The following DLG2 variants were observed in gnomAD, a reference collection of about 807,000 sequenced individuals.
DLG2 encodes the protein disks large homolog 2.
In DLG2, 45 loss-of-function variants were observed where a neutral mutation model predicts 132.5. The ratio of observed to expected loss-of-function variants is 0.34; its 90% CI spans 0.27 to 0.44. The LOEUF is 0.44. Ranked by LOEUF, DLG2 falls within the 20% of genes least tolerant of loss-of-function variation. DLG2 has a pLI of 1.00. For missense variants in DLG2, 1,045 were observed against 1,196.9 expected (o/e 0.87, Z 1.87); for synonymous variants, 424 against 419.6 (o/e 1.01, Z -0.13).
At chr11:84,210,830 C>T (rs151061599) in intron 8 of DLG2, among the ~76,000 whole-genome samples, 1,722 of 152,170 alleles carry the variant, frequency 0.011, 36 homozygotes, top group African/African-American at 0.037. Flanking sequence ...CTGGTTGATT[C>T]TGGGAGGGCA....
intron 2 of DLG2, among the ~76,000 whole-genome samples, chr11:85,604,575 C>T (rs1048975543): frequency 1.3e-5 from 2 of 151,896 alleles, no homozygotes; most frequent in African/African-American, 2.4e-5. Context: ...TCTAAATTGC[C>T]TCAATTCTCC....
chr11:84,220,173 A>G (rs2096893908), intron 8 of DLG2, among the ~76,000 whole-genome samples: 1 of 152,190 alleles, frequency 6.6e-6, no homozygotes. Flanking sequence ...ATATTCATTA[A>G]GTATCAGGCT....
chr11:84,574,362 GAA>G (rs35040163), intron 6 of DLG2, among the ~76,000 whole-genome samples: 281 of 134,760 alleles, frequency 2.1e-3, no homozygotes, highest in African/African-American at 7.1e-3. Flanking sequence ...CTCTTAAACA[GAA>G]AAAAAAAAAA....
Position 84,965,374 on chromosome 11 carries a change from C to A in DLG2, c.357+146287G>T, listed in dbSNP as rs2053177760. Among the ~76,000 whole-genome samples the A allele has an allele frequency of 2.0e-5, 3 of 151,784 alleles. No individual in the cohort carries two copies. In the South Asian group the frequency reaches 6.2e-4, roughly 31 times the overall value. The stretch of plus-strand genomic sequence containing the variant: ...GCACCCTCCACTTGGGAAGAGGTGC[C>A]ATCACAGAAGTAAGGACACAATATC... On this transcript the variant is annotated intron_variant, in intron 6 of 27. Transcript: ENST00000376104.
intron 4 of DLG2, among the ~76,000 whole-genome samples, chr11:85,172,553 C>T (rs897510453): frequency 3.3e-5 from 5 of 152,130 alleles, no homozygotes; most frequent in African/African-American, 7.2e-5. Context: ...GCCAGAGTGC[C>T]TTTTCTCCTC....
At chr11:84,982,385 T>C (rs2055882981) in intron 6 of DLG2, among the ~76,000 whole-genome samples, 1 of 152,090 alleles carries the variant, frequency 6.6e-6, no homozygotes, top group Non-Finnish European at 1.5e-5. Context: ...GCGGATGATA[T>C]CTCTATCCAT....
chr11:85,000,090 A>G (rs2058063661), intron 6 of DLG2, among the ~76,000 whole-genome samples: 1 of 152,122 alleles, frequency 6.6e-6, no homozygotes, highest in African/African-American at 2.4e-5. Flanking sequence ...AAAATTACCA[A>G]GTGGATTTTG....
At chr11:83,833,911 A>T in intron 16 of DLG2, 141 bp from the exon 17 acceptor site, 1 of 842,594 alleles carries the variant, frequency 1.2e-6, no homozygotes. Flanking sequence ...TTTGCACATC[A>T]AGAAAGAGGC....
intron 21 of DLG2, among the ~76,000 whole-genome samples, chr11:83,489,156 G>T (rs2093696890): frequency 6.6e-6 from 1 of 151,928 alleles, no homozygotes; most frequent in Non-Finnish European, 1.5e-5. Context: ...TTACAAGGTA[G>T]TCTTGAAAAC....
intron 6 of DLG2, among the ~76,000 whole-genome samples, chr11:84,883,048 T>G (rs936803388): frequency 6.6e-6 from 1 of 152,100 alleles, no homozygotes; most frequent in Non-Finnish European, 1.5e-5. Flanking sequence ...AGCAAAGACT[T>G]GGAACCAACC....
intron 6 of DLG2, among the ~76,000 whole-genome samples, chr11:84,796,624 C>A (rs1435738573): frequency 6.6e-6 from 1 of 151,968 alleles, no homozygotes; most frequent in Non-Finnish European, 1.5e-5. Flanking sequence ...CTGGGAAGGT[C>A]TTTATTTCTC....
intron 18 of DLG2, among the ~76,000 whole-genome samples, chr11:83,650,225 T>G (rs953635411): frequency 6.6e-6 from 1 of 152,212 alleles, no homozygotes; most frequent in Non-Finnish European, 1.5e-5. Context: ...AAAGGGACTT[T>G]GAAGGTGTGA....
intron 7 of DLG2, among the ~76,000 whole-genome samples, chr11:84,362,562 G>T (rs1287935669): frequency 6.6e-6 from 1 of 151,510 alleles, no homozygotes; most frequent in African/African-American, 2.4e-5. Flanking sequence ...ACAATGTGCA[G>T]GTTAGTTACA....
At chr11:85,359,030 A>T (rs954936915) in intron 3 of DLG2, among the ~76,000 whole-genome samples, 5 of 152,238 alleles carry the variant, frequency 3.3e-5, no homozygotes, top group Admixed American at 3.3e-4. Flanking sequence ...AAAAACCTCC[A>T]GGAATGCAAT....
At chr11:84,956,471 T>C (rs539811955) in intron 6 of DLG2, among the ~76,000 whole-genome samples, 1 of 152,310 alleles carries the variant, frequency 6.6e-6, no homozygotes, top group Admixed American at 6.5e-5. Flanking sequence ...GTCGGCTACA[T>C]ATGAATACCC....
chr11:85,122,957 A>AT (rs1555376351), intron 5 of DLG2, among the ~76,000 whole-genome samples: 3 of 44,214 alleles, frequency 6.8e-5, no homozygotes, highest in Non-Finnish European at 1.1e-4. Flanking sequence ...TATTATATAT[A>AT]TATATATATA....
At chr11:85,534,589 CAT>C (rs1350525524) in intron 3 of DLG2, among the ~76,000 whole-genome samples, 1 of 152,134 alleles carries the variant, frequency 6.6e-6, no homozygotes, top group African/African-American at 2.4e-5. Flanking sequence ...TAAATAAGAA[CAT>C]GTGATATTTG....
chr11:85,584,519 T>C (rs1459292379), intron 3 of DLG2, among the ~76,000 whole-genome samples: 1 of 152,198 alleles, frequency 6.6e-6, no homozygotes, highest in African/African-American at 2.4e-5. Context: ...TCTAGGAAGA[T>C]AACCAGTAGT....
chr11:85,460,109 G>C (rs1242758791), intron 3 of DLG2, among the ~76,000 whole-genome samples: 4 of 152,188 alleles, frequency 2.6e-5, no homozygotes, highest in Non-Finnish European at 5.9e-5. Context: ...GGTGGCTGGA[G>C]ACCCAGACCA....
Sources: gnomAD v4.1 joint callset for allele counts (sites outside exome capture counted in the v4.1 genomes callset) on GRCh38, gnomAD v4.1.1 for gene constraint, MANE v1.5 for transcripts, NCBI Gene and HGNC (gene_info 2026-07-23, HGNC 2026-07-21) for gene names.